Variants in MSRB3 observed in about 807,000 individuals in gnomAD.
MSRB3 encodes methionine-R-sulfoxide reductase B3.
A neutral mutation model predicts 21.0 loss-of-function variants in MSRB3; 13 were observed. The observed-to-expected ratio is 0.62, with a 90% CI of 0.40 to 0.98. MSRB3 has a LOEUF of 0.98. Ranked by LOEUF, MSRB3 falls within the 50% of genes least tolerant of loss-of-function variation. MSRB3 has a pLI of 0.00. For missense variants in MSRB3, 199 were observed against 230.3 expected (o/e 0.86, Z 0.88); for synonymous variants, 87 against 88.6 (o/e 0.98, Z 0.10).
At chr12:65,311,923 T>C (rs1447067761) in intron 2 of MSRB3, among the ~76,000 whole-genome samples, 1 of 152,078 alleles carries the variant, frequency 6.6e-6, no homozygotes, top group Non-Finnish European at 1.5e-5. Flanking sequence ...TTTAATAAAG[T>C]ATAATTTTAA....
chr12:65,317,228 G>T (rs1246981959), intron 2 of MSRB3, among the ~76,000 whole-genome samples: 1 of 152,068 alleles, frequency 6.6e-6, no homozygotes, highest in African/African-American at 2.4e-5. Flanking sequence ...TTGTAAAATG[G>T]ATCTCATCAT....
At chr12:65,447,449 A>G (rs113421413) in intron 5 of MSRB3, among the ~76,000 whole-genome samples, 1 of 152,232 alleles carries the variant, frequency 6.6e-6, no homozygotes, top group Non-Finnish European at 1.5e-5. Flanking sequence ...ATTTGAAAAG[A>G]TACTTTGTTT....
intron 4 of MSRB3, among the ~76,000 whole-genome samples, chr12:65,354,077 G>T (rs1877225575): frequency 2.0e-5 from 3 of 152,024 alleles, no homozygotes; most frequent in Admixed American, 2.0e-4. Context: ...GGCTTGTAGA[G>T]TTTCTGCCGA....
At chr12:65,429,936 C>T (rs954569072) in intron 5 of MSRB3, among the ~76,000 whole-genome samples, 1 of 152,184 alleles carries the variant, frequency 6.6e-6, no homozygotes, top group Non-Finnish European at 1.5e-5. Context: ...TTTCCAGTGA[C>T]CAGTTCAGTC....
chr12:65,460,384 G>T (rs1265363681), intron 6 of MSRB3, among the ~76,000 whole-genome samples: 2 of 151,654 alleles, frequency 1.3e-5, no homozygotes. Flanking sequence ...AAAGAAACCG[G>T]GTAACAGTCC....
rs953026483 is a variant in MSRB3 at position 65,466,440 on chromosome 12, T to C, written c.*3118T>C. 6.6e-6 allele frequency: 1 copy of C among 152,184 alleles called. No individual in the cohort carries two copies. Among genetic ancestry groups the C allele is most frequent in the Non-Finnish European group, 1.5e-5 (1 of 68,034 alleles). 9.4% of individuals were successfully genotyped at this position (152,184 alleles called of 1,614,324 possible). A position where few individuals can be genotyped will look rare whatever the true frequency, so the allele number is the denominator to read the frequency against. ...AGGTGTATGTGATCTGTGGGAGTTATGCCATTTAACATAGGAAGTGCATGG... is the reference window on the plus strand; with the variant it reads ...AGGTGTATGTGATCTGTGGGAGTTACGCCATTTAACATAGGAAGTGCATGG... On this transcript the variant is annotated 3_prime_UTR_variant, in exon 7 of 7. Transcript: ENST00000308259.
chr12:65,420,053 GA>G (rs2136641452), intron 5 of MSRB3: 3 of 526,962 alleles, frequency 5.7e-6, no homozygotes, highest in South Asian at 4.4e-5. Flanking sequence ...GGGAAGAGAG[GA>G]CTCAGGCTTT....
rs148191423 is a variant in MSRB3 at position 65,297,790 on chromosome 12, AG to A, written c.-51-10736del. On this transcript the variant is annotated intron_variant, in intron 1 of 6. Coordinates refer to ENST00000308259, the MANE Select transcript of MSRB3 (RefSeq NM_001031679.3). Reference sequence around the variant, plus strand: ...ACACAGCCCTTTTGCAGTAGTGTGGAGGGTGAATGTGAGGGGAATTAGATTG... The same window carrying A: ...ACACAGCCCTTTTGCAGTAGTGTGGAGGTGAATGTGAGGGGAATTAGATTG... Among the ~76,000 whole-genome samples the A allele has an allele frequency of 5.0e-3, 754 of 152,232 alleles. 2 individuals are homozygous for A. The highest frequency in any genetic ancestry group is 7.7e-3 in the Non-Finnish European group (522 of 68,004).
intron 5 of MSRB3, among the ~76,000 whole-genome samples, chr12:65,451,827 G>C (rs185901827): frequency 3.9e-4 from 59 of 152,248 alleles, no homozygotes; most frequent in Admixed American, 3.5e-3. Context: ...TATCTCATTT[G>C]CTTATTTAAG....
At chr12:65,355,916 G>C (rs1877355316) in intron 4 of MSRB3, among the ~76,000 whole-genome samples, 1 of 151,824 alleles carries the variant, frequency 6.6e-6, no homozygotes, top group Non-Finnish European at 1.5e-5. Context: ...AGGGCTTTAT[G>C]GGCTGAATTA....
intron 5 of MSRB3, chr12:65,420,036 A>AT: frequency 1.8e-6 from 1 of 546,162 alleles, no homozygotes; most frequent in Non-Finnish European, 3.7e-6. Context: ...TGTCTGGGGA[A>AT]GAGAGCGGGA....
intron 5 of MSRB3, among the ~76,000 whole-genome samples, chr12:65,381,329 T>C (rs972991389): frequency 6.6e-6 from 1 of 152,142 alleles, no homozygotes; most frequent in Non-Finnish European, 1.5e-5. Context: ...TCGATGATCA[T>C]GGTCACCTTC....
At chr12:65,357,245 C>T (rs901235069) in intron 4 of MSRB3, among the ~76,000 whole-genome samples, 7 of 151,894 alleles carry the variant, frequency 4.6e-5, no homozygotes, top group African/African-American at 1.4e-4. Context: ...TCCACCTCCA[C>T]GCACCTTCAA....
intron 5 of MSRB3, among the ~76,000 whole-genome samples, chr12:65,443,273 C>G (rs933425308): frequency 6.6e-6 from 1 of 152,080 alleles, no homozygotes; most frequent in Non-Finnish European, 1.5e-5. Context: ...GTGTTCTTGA[C>G]AGCCTTAGTC....
At chr12:65,335,432 C>T (rs1875701246) in intron 4 of MSRB3, among the ~76,000 whole-genome samples, 1 of 152,154 alleles carries the variant, frequency 6.6e-6, no homozygotes, top group African/African-American at 2.4e-5. Context: ...CAATTTTATT[C>T]TAGGCTACCA....
intron 5 of MSRB3, among the ~76,000 whole-genome samples, chr12:65,393,661 C>G (rs941527969): frequency 2.0e-5 from 3 of 150,124 alleles, no homozygotes; most frequent in African/African-American, 7.3e-5. Context: ...AAAATGACTA[C>G]CATCTTATTT....
Position 65,463,602 on chromosome 12 carries a change from G to T in MSRB3, c.*280G>T, listed in dbSNP as rs925204959. On this transcript the variant is annotated 3_prime_UTR_variant, in exon 7 of 7. Transcript: ENST00000308259. ...TGGCATTCTTTTCTTTGAGCACATG[G>T]CTTCTTTTGCAGTTTTTCCCCCTTT... is the stretch of plus-strand genomic sequence containing the variant. 1.5e-5 allele frequency: 6 copies of T among 402,540 alleles called. No individual in the cohort carries two copies. The highest frequency in any genetic ancestry group is 2.7e-5 in the Non-Finnish European group (6 of 219,224). 24.9% of individuals were successfully genotyped at this position (402,540 alleles called of 1,614,324 possible). A position where few individuals can be genotyped will look rare whatever the true frequency, so the allele number is the denominator to read the frequency against.
At chr12:65,281,663 TG>T (rs986470156) in intron 1 of MSRB3, 2 of 152,212 alleles carry the variant, frequency 1.3e-5, no homozygotes, top group African/African-American at 4.8e-5. Context: ...AACTGGTTTT[TG>T]GGGATAGTTA....
intron 1 of MSRB3, among the ~76,000 whole-genome samples, chr12:65,307,294 G>A (rs1189424503): frequency 6.6e-6 from 1 of 152,098 alleles, no homozygotes; most frequent in Non-Finnish European, 1.5e-5. Flanking sequence ...ACACAAAAAT[G>A]TTTTAGTCTT....
Sources: allele counts gnomAD v4.1 joint callset (sites outside exome capture counted in the v4.1 genomes callset), GRCh38; gene constraint gnomAD v4.1.1; transcripts MANE v1.5; gene names NCBI Gene and HGNC (gene_info 2026-07-23, HGNC 2026-07-21).